The following DNAH14 variants were observed in gnomAD, a reference collection of about 807,000 sequenced individuals.
DNAH14 encodes dynein axonemal heavy chain 14, also known as axonemal beta dynein heavy chain 14.
In DNAH14, 478 loss-of-function variants were observed where a neutral mutation model predicts 520.9. The ratio of observed to expected loss-of-function variants is 0.92; its 90% CI spans 0.85 to 0.99. The LOEUF is 0.99. Ranked by LOEUF, DNAH14 falls within the 50% of genes least tolerant of loss-of-function variation. The pLI is 0.00. For missense variants in DNAH14, 4,831 were observed against 5,234.5 expected, an observed-to-expected ratio of 0.92 and a Z score of 2.38; for synonymous variants, 1,581 against 1,757.2, an observed-to-expected ratio of 0.90 and a Z score of 2.51.
intron 60 of DNAH14, among the ~76,000 whole-genome samples, chr1:225,316,915 A>C (rs1221023510): frequency 6.6e-6 from 1 of 152,236 alleles, no homozygotes; most frequent in East Asian, 1.9e-4. Flanking sequence ...TTCCTAAAAA[A>C]TCTTTGGCAG....
chr1:225,207,826 T>A (rs1025255696), intron 41 of DNAH14, among the ~76,000 whole-genome samples: 11 of 152,074 alleles, frequency 7.2e-5, no homozygotes, highest in African/African-American at 2.7e-4. Context: ...GATGGTTAGA[T>A]CCCAACAAGA....
intron 17 of DNAH14, among the ~76,000 whole-genome samples, chr1:225,064,425 T>C (rs769660116): frequency 2.0e-5 from 3 of 151,940 alleles, no homozygotes; most frequent in Non-Finnish European, 2.9e-5. Context: ...TATTCACCCA[T>C]TAAAAATGAA....
At chr1:225,069,358 T>G (rs866086072) in intron 17 of DNAH14, among the ~76,000 whole-genome samples, 2 of 152,338 alleles carry the variant, frequency 1.3e-5, no homozygotes, top group Middle Eastern at 3.4e-3. Flanking sequence ...GAGATGGCTC[T>G]TATTATTTTG....
At chr1:225,298,699 G>T (rs1466331217) in intron 55 of DNAH14, among the ~76,000 whole-genome samples, 1 of 152,192 alleles carries the variant, frequency 6.6e-6, no homozygotes, top group Non-Finnish European at 1.5e-5. Flanking sequence ...GCTGTAGCTT[G>T]GCTCACAGCA....
chr1:224,929,924 C>T (rs953549796), intron 1 of DNAH14, 89 bp downstream of exon 1: 3 of 564,218 alleles, frequency 5.3e-6, no homozygotes, highest in African/African-American at 4.0e-5. Flanking sequence ...ACTGGGAGGG[C>T]TGCGTGGGCG....
intron 42 of DNAH14, among the ~76,000 whole-genome samples, chr1:225,238,015 T>A (rs1263355644): frequency 1.3e-5 from 2 of 152,232 alleles, no homozygotes; most frequent in Non-Finnish European, 2.9e-5. Context: ...TCAGCTCCTG[T>A]ATTTTTTTGT....
intron 46 of DNAH14, among the ~76,000 whole-genome samples, chr1:225,263,207 C>CATATATATACATGTATATAT (rs2092997149): frequency 6.7e-6 from 1 of 150,138 alleles, no homozygotes; most frequent in African/African-American, 2.5e-5. Flanking sequence ...TATATACACA[C>CATATATATACATGTATATAT]ACATATATAT....
intron 37 of DNAH14, among the ~76,000 whole-genome samples, chr1:225,185,980 T>A (rs2084674376): frequency 6.7e-6 from 1 of 149,080 alleles, no homozygotes; most frequent in Admixed American, 6.7e-5. Flanking sequence ...TAGAATTTAT[T>A]AAATTATTTT....
intron 17 of DNAH14, among the ~76,000 whole-genome samples, chr1:225,063,761 A>G (rs931681317): frequency 2.0e-5 from 3 of 151,836 alleles, no homozygotes; most frequent in Non-Finnish European, 2.9e-5. Context: ...AGATTTGATG[A>G]AAAGTATAAA....
Position 225,153,740 on chromosome 1 carries a change from T to C in DNAH14, c.5197-10T>C, listed in dbSNP as rs187307469. On this transcript the variant is annotated splice_polypyrimidine_tract_variant and intron_variant, in intron 33 of 85. Transcript: ENST00000682510. ...AACTTTAATAATTCAAATATTTTAA[T>C]GTTTGATAGGATCATTATAATTTTG... The C allele has an allele frequency of 4.5e-3, 6,919 of 1,521,082 alleles. 26 individuals carry two copies. Among genetic ancestry groups the C allele is most frequent in the Non-Finnish European group, 5.8e-3 (6,498 of 1,122,504 alleles). The allele number at this position is 1,521,082 out of a possible 1,614,324, so 94.2% of individuals were successfully genotyped here. A position where few individuals can be genotyped will look rare whatever the true frequency, so the allele number is the denominator to read the frequency against.
intron 10 of DNAH14, among the ~76,000 whole-genome samples, chr1:225,022,493 T>C (rs2065788221): frequency 6.6e-6 from 1 of 152,020 alleles, no homozygotes; most frequent in African/African-American, 2.4e-5. Context: ...CCAACAAATA[T>C]ATTAAAAATA....
chr1:225,081,788 C>G (rs551033524), intron 19 of DNAH14, among the ~76,000 whole-genome samples: 8 of 152,228 alleles, frequency 5.3e-5, no homozygotes, highest in Non-Finnish European at 1.0e-4. Flanking sequence ...AAGAGTTGAA[C>G]CTTCCACTCC....
intron 73 of DNAH14, chr1:225,357,878 A>C (rs12745950): frequency 0.34 from 240,186 of 700,624 alleles, 45,081 homozygotes; most frequent in East Asian, 0.61. Flanking sequence ...CATGTAAGTG[A>C]TTTGTATAAA....
intron 2 of DNAH14, 115 bp downstream of exon 2, chr1:224,952,894 T>G: frequency 1.4e-6 from 1 of 706,788 alleles, no homozygotes; most frequent in Non-Finnish European, 2.2e-6. Context: ...TCAGAATTTA[T>G]TGATGATTCT....
At chr1:225,246,105 CAAAA>C (rs140007042) in intron 43 of DNAH14, among the ~76,000 whole-genome samples, 2 of 77,726 alleles carry the variant, frequency 2.6e-5, no homozygotes, top group Admixed American at 1.3e-4. Context: ...ACAAACCTGG[CAAAA>C]AAAAAAAAAA....
intron 1 of DNAH14, among the ~76,000 whole-genome samples, chr1:224,933,459 A>G (rs973244919): frequency 5.3e-5 from 8 of 152,076 alleles, no homozygotes; most frequent in Non-Finnish European, 1.0e-4. Flanking sequence ...GACTTCCAGT[A>G]TGAGGCTGAA....
chr1:225,043,031 T>G lies in DNAH14; in HGVS notation c.1685T>G (p.Val562Gly), dbSNP rs1427887449. 6.4e-7 allele frequency: 1 copy of G among 1,551,350 alleles called. No individual in the cohort carries two copies. The change falls in exon 13 of 86, where the codon GTC becomes GGC. Residue 562 changes from valine (V) to glycine (G), a missense_variant. By Grantham distance (109) the Val-to-Gly change is moderately radical. Coordinates refer to ENST00000682510, the MANE Select transcript of DNAH14 (RefSeq NM_001367479.1). ...ATGTCAGAAAATAAAGACAATTGTG[T>G]CAAAAAACACTCAAGTGAAGAATTG... is the stretch of plus-strand genomic sequence containing the variant. ...DEMSENKDNC[V>G]KKHSSEELLP...
chr1:224,953,387 TA>T (rs889816532), intron 2 of DNAH14, among the ~76,000 whole-genome samples: 6 of 151,998 alleles, frequency 3.9e-5, no homozygotes, highest in African/African-American at 1.4e-4. Context: ...GCCTCCCAAA[TA>T]AATACGATTT....
At chr1:224,947,162 C>T (rs890025982) in intron 1 of DNAH14, among the ~76,000 whole-genome samples, 1 of 152,096 alleles carries the variant, frequency 6.6e-6, no homozygotes, top group African/African-American at 2.4e-5. Flanking sequence ...AGGTGATCTG[C>T]TCACCTTGGC....
Sources: gnomAD v4.1 joint callset for allele counts (sites outside exome capture counted in the v4.1 genomes callset) on GRCh38, gnomAD v4.1.1 for gene constraint, MANE v1.5 for transcripts, NCBI Gene and HGNC (gene_info 2026-07-23, HGNC 2026-07-21) for gene names.